LCK: variants seen among roughly 807,000 people sequenced by gnomAD.
LCK encodes LCK proto-oncogene, Src family tyrosine kinase, also known as tyrosine-protein kinase Lck.
Under a neutral mutation model 64.6 loss-of-function variants are expected in LCK, and 14 were observed. The ratio of observed to expected loss-of-function variants is 0.22; its 90% CI spans 0.14 to 0.34. The LOEUF (loss-of-function observed/expected upper bound fraction) is 0.34. LCK is among the 10% of genes least tolerant of loss of function. The pLI is 1.00. For synonymous variants in LCK, 277 were observed against 263.6 expected (o/e 1.05, Z -0.49); for missense variants, 434 against 668.1 (o/e 0.65, Z 3.86).
At position 32,276,919 on chromosome 1, in the gene LCK, A is replaced by G. The variant is rs1425779880; in HGVS notation, c.964+133A>G. 1.0e-6 allele frequency: 1 copy of G among 964,182 alleles called. No homozygotes were observed. Among genetic ancestry groups the G allele is most frequent in the Non-Finnish European group, 1.5e-6 (1 of 687,490 alleles). The allele number at this position is 964,182 out of a possible 1,614,324, so 59.7% of individuals were successfully genotyped here. ...TTTCTTGAGCTTTCCTGCCCCCTGG[A>G]GACTCACCTCCAGCCGGGCGCGGTG... On this transcript the variant is annotated intron_variant, in intron 9 of 12. Coordinates refer to ENST00000336890, the MANE Select transcript of LCK (RefSeq NM_005356.5). The surrounding 1 kb of genome is among the most constrained non-coding windows in gnomAD (Gnocchi z 4.6).
chr1:32,261,560 C>G (rs960767355), intron 1 of LCK, among the ~76,000 whole-genome samples: 1 of 149,000 alleles, frequency 6.7e-6, no homozygotes, highest in Non-Finnish European at 1.5e-5. Context: ...GCAGGATAAT[C>G]ACTTGAACCT....
intron 1 of LCK, among the ~76,000 whole-genome samples, chr1:32,266,699 A>C (rs1416445466): frequency 0.063 from 183 of 2,904 alleles, no homozygotes; most frequent in Middle Eastern, 0.25. Flanking sequence ...CCTCCTCCCC[A>C]TCCCCTTCCC....
intron 1 of LCK, among the ~76,000 whole-genome samples, chr1:32,263,402 AAAATAAATAAATAAATAAATAAAT>A: frequency 7.1e-6 from 1 of 141,104 alleles, no homozygotes; most frequent in East Asian, 2.0e-4. Context: ...CAAAATAAAT[AAAATAAATAAATAAATAAATAAAT>A]AAATAAATAA....
At chr1:32,272,957 G>A (rs1217318242) in intron 1 of LCK, among the ~76,000 whole-genome samples, 5 of 146,556 alleles carry the variant, frequency 3.4e-5, no homozygotes, top group African/African-American at 1.3e-4. Context: ...GAGAATGTGT[G>A]TGTGTGGGGT....
At chr1:32,284,906 C>T (rs1322075698) in intron 12 of LCK, among the ~76,000 whole-genome samples, 7 of 152,226 alleles carry the variant, frequency 4.6e-5, no homozygotes, top group Admixed American at 1.3e-4. Context: ...ATCACTTGAA[C>T]GGAGGAGTTC....
In LCK at chr1:32,274,835, G is replaced by A. The variant is rs1640205630; in HGVS notation, c.187+17G>A. ...CACTGCAAGGTGACCCCAGGCAGCA[G>A]GGCCTGAAAGACAAGGCCTGCGGAT... On this transcript the variant is annotated intron_variant, in intron 3 of 12. Coordinates refer to ENST00000336890, the MANE Select transcript of LCK (RefSeq NM_005356.5). 1 of 1,613,884 alleles carries A rather than the reference G, an allele frequency of 6.2e-7. No individual in the cohort carries two copies.
intron 1 of LCK, among the ~76,000 whole-genome samples, chr1:32,261,222 C>A (rs115434664): frequency 6.6e-6 from 1 of 150,502 alleles, no homozygotes; most frequent in Non-Finnish European, 1.5e-5. Context: ...AATGCCATCA[C>A]GCCATCATGC....
intron 1 of LCK, among the ~76,000 whole-genome samples, chr1:32,272,573 AAGAGAGAGAGAGAAAGAG>A (rs71006339): frequency 0.035 from 2,547 of 71,878 alleles, 33 homozygotes; most frequent in Non-Finnish European, 0.051. Context: ...ACCCTGTCTC[AAGAGAGAGAGAGAAAGAG>A]AGAGAGAGAG....
chr1:32,271,299 G>C (rs185813859), intron 1 of LCK, among the ~76,000 whole-genome samples: 1 of 152,020 alleles, frequency 6.6e-6, no homozygotes, highest in African/African-American at 2.4e-5. Context: ...CACCACGCCC[G>C]GCCAGCAACT....
intron 1 of LCK, among the ~76,000 whole-genome samples, chr1:32,255,596 G>A (rs1270850507): frequency 1.3e-5 from 2 of 152,114 alleles, no homozygotes; most frequent in Admixed American, 6.6e-5. Context: ...GTGCGGCCAT[G>A]TTGTCGGCAG....
In LCK at chr1:32,285,503, T is replaced by A; in HGVS notation, c.1328-11T>A. 1 of 1,613,820 alleles carries A rather than the reference T, an allele frequency of 6.2e-7. No individual in the cohort carries two copies. The highest frequency in any genetic ancestry group is 1.7e-5 in the Admixed American group (1 of 60,014). On this transcript the variant is annotated splice_polypyrimidine_tract_variant and intron_variant, in intron 12 of 12. Coordinates refer to ENST00000336890, the MANE Select transcript of LCK (RefSeq NM_005356.5). ...CCTGACCTTGATGTCCTTTCACCCA[T>A]CAACCCGTAGGGATGACCAACCCGG...
At chr1:32,272,620 AG>A (rs1222786776) in intron 1 of LCK, among the ~76,000 whole-genome samples, 289 of 145,470 alleles carry the variant, frequency 2.0e-3, no homozygotes, top group African/African-American at 7.1e-3. Context: ...AGAGAGAGAG[AG>A]AAAGAGAGAG....
Position 32,275,124 on chromosome 1 carries a change from G to T in LCK, c.278+41G>T. ...CCTTGCTCTGGCGGAGTCCGTGAGG[G>T]AGCGGCGATCTCCGCGACCCGCAGC... On this transcript the variant is annotated intron_variant, in intron 4 of 12. Coordinates refer to ENST00000336890, the MANE Select transcript of LCK (RefSeq NM_005356.5). This position sits in a 1 kb window ranked among gnomAD's most constrained non-coding sequence, Gnocchi z 6.9. 6.4e-7 allele frequency: 1 copy of T among 1,568,146 alleles called. No individual in the cohort carries two copies. Among genetic ancestry groups the T allele is most frequent in the Non-Finnish European group, 8.7e-7 (1 of 1,145,928 alleles).
At chr1:32,273,563 G>T (rs1166257223) in intron 1 of LCK, among the ~76,000 whole-genome samples, 1 of 152,040 alleles carries the variant, frequency 6.6e-6, no homozygotes, top group Non-Finnish European at 1.5e-5. Flanking sequence ...GAGCTGCAGG[G>T]ACTCCGGGGG....
At chr1:32,278,170 C>A (rs543707816) in intron 9 of LCK, among the ~76,000 whole-genome samples, 5 of 152,226 alleles carry the variant, frequency 3.3e-5, no homozygotes, top group South Asian at 2.1e-4. Flanking sequence ...CAGAGCGAGA[C>A]CTTGTCTCAA....
At chr1:32,259,694 C>T (rs1055944356) in intron 1 of LCK, among the ~76,000 whole-genome samples, 4 of 151,746 alleles carry the variant, frequency 2.6e-5, no homozygotes, top group Admixed American at 2.0e-4. Flanking sequence ...CCTGTTGTCC[C>T]AGTTACTCAG....
intron 9 of LCK, among the ~76,000 whole-genome samples, chr1:32,278,213 T>C (rs1373409572): frequency 6.6e-6 from 1 of 152,204 alleles, no homozygotes; most frequent in Non-Finnish European, 1.5e-5. Flanking sequence ...GGCTACCATA[T>C]AGTAACTGAT....
chr1:32,251,800 C>T lies in LCK; in HGVS notation c.-6+429C>T, dbSNP rs539605223. Among the ~76,000 whole-genome samples the T allele has an allele frequency of 2.6e-5, 4 of 152,164 alleles. No homozygotes were observed. The highest frequency in any genetic ancestry group is 4.1e-4 in the South Asian group (2 of 4,820). On this transcript the variant is annotated intron_variant, in intron 1 of 12. Transcript: ENST00000336890. This position sits in a 1 kb window ranked among gnomAD's most constrained non-coding sequence, Gnocchi z 4.0. The stretch of plus-strand genomic sequence containing the variant: ...GTGATGGCTGAGGCTGTGGCCACCC[C>T]GCCTGGAGCAGGGTGATGGACAGGC...
In LCK at chr1:32,274,413, C is replaced by T. The variant is rs144437329; in HGVS notation, c.84C>T (p.Val28=). The change falls in exon 2 of 13, where the codon GTC becomes GTT. Residue 28 remains valine (V), a synonymous_variant. Transcript: ENST00000336890. The part of the protein sequence containing the change: ...DVCENCHYPI[V]PLDGKGTLLI... Reference sequence around the variant, plus strand: ...GTGAGAACTGCCATTATCCCATAGTCCCACTGGATGGCAAGGGCACGGTAA... The same window carrying T: ...GTGAGAACTGCCATTATCCCATAGTTCCACTGGATGGCAAGGGCACGGTAA... 8.8e-5 allele frequency: 142 copies of T among 1,613,044 alleles called. No individual in the cohort carries two copies. The highest frequency in any genetic ancestry group is 1.1e-4 in the Non-Finnish European group (129 of 1,179,498).
Sources: allele counts gnomAD v4.1 joint callset (sites outside exome capture counted in the v4.1 genomes callset), GRCh38; gene constraint gnomAD v4.1.1; non-coding constraint Gnocchi (gnomAD v3.1); transcripts MANE v1.5; gene names NCBI Gene and HGNC (gene_info 2026-07-23, HGNC 2026-07-21).